The following PRKG1 variants were observed in gnomAD, a reference collection of about 807,000 sequenced individuals.
The protein encoded by PRKG1 is protein kinase cGMP-dependent 1.
In PRKG1, 35 loss-of-function variants were observed where a neutral mutation model predicts 88.1. The observed-to-expected ratio is 0.40, with a 90% CI of 0.30 to 0.53. The LOEUF is 0.53. PRKG1 is among the 20% of genes least tolerant of loss of function. The pLI is 0.59. For missense variants in PRKG1, 540 were observed against 839.8 expected (o/e 0.64, Z 4.41); for synonymous variants, 303 against 292.5 (o/e 1.04, Z -0.37).
intron 5 of PRKG1, among the ~76,000 whole-genome samples, chr10:51,997,071 C>G (rs1360178382): frequency 3.5e-5 from 3 of 86,940 alleles, no homozygotes; most frequent in Admixed American, 1.4e-4. Context: ...AAGAGTTGAT[C>G]TCATGAAAAT....
intron 1 of PRKG1, among the ~76,000 whole-genome samples, chr10:51,090,695 A>G (rs1422421099): frequency 6.6e-6 from 1 of 152,200 alleles, no homozygotes; most frequent in African/African-American, 2.4e-5. Flanking sequence ...TGAAATTGTA[A>G]TAATATTGTT....
intron 1 of PRKG1, among the ~76,000 whole-genome samples, chr10:51,078,828 G>A (rs1844035199): frequency 6.6e-6 from 1 of 151,788 alleles, no homozygotes; most frequent in Non-Finnish European, 1.5e-5. Flanking sequence ...AGTGTTACCA[G>A]GATGGTCTTG....
At chr10:51,954,218 C>T (rs149923409) in intron 5 of PRKG1, among the ~76,000 whole-genome samples, 73 of 152,134 alleles carry the variant, frequency 4.8e-4, no homozygotes, top group African/African-American at 1.7e-3. Context: ...ATGTAATAAT[C>T]CATTGAAAAT....
At chr10:52,166,473 G>T (rs1428169983) in intron 9 of PRKG1, among the ~76,000 whole-genome samples, 1 of 124,688 alleles carries the variant, frequency 8.0e-6, no homozygotes, top group African/African-American at 3.0e-5. Context: ...TCGCTCTGTC[G>T]CCCAGGCTGG....
At position 51,943,053 on chromosome 10, in the gene PRKG1, A is replaced by G. The variant is rs544316135; in HGVS notation, c.762+35483A>G. On this transcript the variant is annotated intron_variant, in intron 5 of 17. Transcript: ENST00000373980. Reference sequence around the variant, plus strand: ...ATAAATTACCTTGGGCAGTATGGCCATTTTCACGATAATGATTCTTCCTAT... The same window carrying G: ...ATAAATTACCTTGGGCAGTATGGCCGTTTTCACGATAATGATTCTTCCTAT... Among the ~76,000 whole-genome samples, 100 of 152,078 alleles carry G rather than the reference A, an allele frequency of 6.6e-4. 1 individual carries two copies. The highest frequency in any genetic ancestry group is 2.2e-3 in the African/African-American group (93 of 41,386).
chr10:52,094,803 C>CCA (rs1401166041), intron 7 of PRKG1, among the ~76,000 whole-genome samples: 1 of 152,130 alleles, frequency 6.6e-6, no homozygotes, highest in Non-Finnish European at 1.5e-5. Context: ...CTTGAGGACC[C>CCA]TACTACACTC....
At chr10:51,708,940 G>A (rs1343311873) in intron 3 of PRKG1, among the ~76,000 whole-genome samples, 1 of 152,068 alleles carries the variant, frequency 6.6e-6, no homozygotes, top group African/African-American at 2.4e-5. Flanking sequence ...TATCCTGGTT[G>A]ACCATGAATT....
At chr10:52,156,713 G>A (rs1334926797) in intron 8 of PRKG1, among the ~76,000 whole-genome samples, 1 of 151,806 alleles carries the variant, frequency 6.6e-6, no homozygotes, top group African/African-American at 2.4e-5. Context: ...AAGAACACTT[G>A]AAGCCACAAA....
At chr10:51,238,712 G>A (rs944655653) in intron 2 of PRKG1, among the ~76,000 whole-genome samples, 9 of 151,344 alleles carry the variant, frequency 5.9e-5, no homozygotes, top group African/African-American at 1.9e-4. Context: ...AGTGAGCCAA[G>A]ATGGTTCCAC....
chr10:51,628,516 T>C (rs1335897327), intron 3 of PRKG1, among the ~76,000 whole-genome samples: 4 of 152,066 alleles, frequency 2.6e-5, no homozygotes, highest in Non-Finnish European at 4.4e-5. Flanking sequence ...AACATTGGGG[T>C]GATAAAATAG....
chr10:51,650,305 G>C (rs1191289131), intron 3 of PRKG1, among the ~76,000 whole-genome samples: 1 of 152,050 alleles, frequency 6.6e-6, no homozygotes, highest in African/African-American at 2.4e-5. Flanking sequence ...TGGAATCTTG[G>C]CTCTCTAATA....
chr10:51,579,282 G>A (rs1426954873), intron 3 of PRKG1, among the ~76,000 whole-genome samples: 2 of 151,774 alleles, frequency 1.3e-5, no homozygotes, highest in Non-Finnish European at 2.9e-5. Flanking sequence ...ACACCTGGCT[G>A]ATTTTATTAT....
chr10:52,180,661 C>T (rs1295194990), intron 9 of PRKG1, among the ~76,000 whole-genome samples: 5 of 152,164 alleles, frequency 3.3e-5, no homozygotes, highest in South Asian at 2.1e-4. Flanking sequence ...TAGTGATGTT[C>T]GCTAGTATCT....
intron 3 of PRKG1, among the ~76,000 whole-genome samples, chr10:51,544,209 CACCA>C (rs775407819): frequency 3.5e-4 from 40 of 115,258 alleles, no homozygotes; most frequent in East Asian, 6.0e-4. Context: ...CCCCCTCCCC[CACCA>C]CCCCAAAACA....
chr10:51,565,563 G>T (rs2132157192), intron 3 of PRKG1, among the ~76,000 whole-genome samples: 1 of 152,196 alleles, frequency 6.6e-6, no homozygotes, highest in Middle Eastern at 3.4e-3. Context: ...TTATCCTGTT[G>T]GGTTCAGATG....
intron 3 of PRKG1, among the ~76,000 whole-genome samples, chr10:51,791,311 GC>G (rs1838864284): frequency 6.6e-6 from 1 of 152,042 alleles, no homozygotes; most frequent in African/African-American, 2.4e-5. Flanking sequence ...ATAGTTCTTG[GC>G]ACATAGTAAG....
intron 13 of PRKG1, among the ~76,000 whole-genome samples, chr10:52,281,427 A>T (rs747475360): frequency 7.1e-6 from 1 of 141,132 alleles, no homozygotes; most frequent in Non-Finnish European, 1.5e-5. Context: ...TTATTTACAA[A>T]TGCACAACTT....
At chr10:51,301,266 T>A (rs1445161594) in intron 2 of PRKG1, among the ~76,000 whole-genome samples, 1 of 152,160 alleles carries the variant, frequency 6.6e-6, no homozygotes, top group Non-Finnish European at 1.5e-5. Context: ...CTGAAGGGTA[T>A]TTTTAATAAC....
chr10:51,464,059 C>G (rs112123594), intron 2 of PRKG1, among the ~76,000 whole-genome samples: 209 of 152,096 alleles, frequency 1.4e-3, no homozygotes, highest in African/African-American at 4.8e-3. Context: ...ATCACGAGAT[C>G]AGGAGATCGA....
Sources: gnomAD v4.1 joint callset for allele counts (sites outside exome capture counted in the v4.1 genomes callset) on GRCh38, gnomAD v4.1.1 for gene constraint, MANE v1.5 for transcripts, NCBI Gene and HGNC (gene_info 2026-07-23, HGNC 2026-07-21) for gene names.